Variants in PECR observed in about 807,000 individuals in gnomAD.
The protein encoded by PECR is 2,4-dienoyl-CoA reductase-related protein.
Under a neutral mutation model 35.3 loss-of-function variants are expected in PECR, and 30 were observed. The observed-to-expected ratio is 0.85, with a 90% CI of 0.64 to 1.15. The LOEUF (loss-of-function observed/expected upper bound fraction) is 1.15. PECR is among the 50% of genes most tolerant of loss of function. PECR has a pLI of 0.00. For missense variants in PECR, 392 were observed against 370.8 expected (o/e 1.06, Z -0.47); for synonymous variants, 148 against 138.9 (o/e 1.07, Z -0.46).
At chr2:216,040,858 T>G (rs1014276882) in intron 7 of PECR, among the ~76,000 whole-genome samples, 1 of 151,690 alleles carries the variant, frequency 6.6e-6, no homozygotes, top group Non-Finnish European at 1.5e-5. Flanking sequence ...GCAACAAGAG[T>G]GAGACTCTGT....
chr2:216,068,225 CAAAAAAA>C (rs34646067), intron 1 of PECR, among the ~76,000 whole-genome samples: 3 of 65,016 alleles, frequency 4.6e-5, no homozygotes, highest in South Asian at 6.8e-4. Context: ...GACTCCATAT[CAAAAAAA>C]AAAAAAAAAA....
rs370096306 is a variant in PECR, at chr2:216,081,668, C to T, written c.74G>A (p.Gly25Asp). 3 of 1,613,636 alleles carry T rather than the reference C, an allele frequency of 1.9e-6. No homozygotes were observed. Among genetic ancestry groups the T allele is most frequent in the Non-Finnish European group, 1.7e-6 (2 of 1,179,970 alleles). ...GGCTTTTCCGATGCCCGTGGCCCCG[C>T]CGGTGACGATGGCCACTTGGCCCTG... ...LLQGQVAIVTGGATGIGKAIV... is the reference protein window; with the variant it reads ...LLQGQVAIVTDGATGIGKAIV... Residue 25 changes from glycine to aspartate, a missense_variant, in exon 1 of 8, where the codon GGC (glycine) becomes GAC (aspartate). Transcript: ENST00000265322.
intron 1 of PECR, among the ~76,000 whole-genome samples, chr2:216,078,112 C>A (rs1351933362): frequency 2.0e-5 from 3 of 150,684 alleles, no homozygotes; most frequent in African/African-American, 7.3e-5. Context: ...AAAACCAAAA[C>A]CAAAAACAAA....
downstream of PECR, among the ~76,000 whole-genome samples, chr2:216,036,555 A>G (rs971656653): frequency 2.6e-5 from 4 of 152,190 alleles, no homozygotes; most frequent in African/African-American, 9.7e-5. Flanking sequence ...CACATGACCC[A>G]CTGAGCGCCT....
At chr2:216,081,353 T>C (rs1438239599) in intron 1 of PECR, among the ~76,000 whole-genome samples, 1 of 152,190 alleles carries the variant, frequency 6.6e-6, no homozygotes. Context: ...GCACAGCATG[T>C]TTCACTGCTC....
rs542305337 is a variant in PECR at position 216,080,873 on chromosome 2, C to T, written c.124+745G>A. 2.0e-4 allele frequency among the ~76,000 whole-genome samples: 30 copies of T among 152,120 alleles called. 1 individual carries two copies. The South Asian group carries it at 6.0e-3, about 30-fold the overall frequency. On this transcript the variant is annotated intron_variant, in intron 1 of 7. Transcript: ENST00000265322. ...GCTCTTTATGTATAAGGCTGTTGGC[C>T]GAATCTAGTGGCTCAGCCTGTAATC...
chr2:216,039,927 AAT>A (rs1418340107), intron 7 of PECR, among the ~76,000 whole-genome samples: 1 of 152,220 alleles, frequency 6.6e-6, no homozygotes, highest in Non-Finnish European at 1.5e-5. Flanking sequence ...AAGTTGATCG[AAT>A]ATAGAGTGGA....
intron 3 of PECR, 68 bp downstream of exon 3, chr2:216,065,244 G>A (rs1202562396): frequency 1.9e-6 from 2 of 1,038,658 alleles, no homozygotes; most frequent in East Asian, 4.7e-5. Context: ...GGGCTTCTGA[G>A]TCCCTAATAG....
intron 4 of PECR, among the ~76,000 whole-genome samples, chr2:216,054,194 G>A (rs1340936686): frequency 6.6e-6 from 1 of 151,458 alleles, no homozygotes; most frequent in Non-Finnish European, 1.5e-5. Context: ...GGCTGAGACA[G>A]GAGAATCACT....
chr2:216,037,975 C>T (rs1312234195), downstream of PECR, among the ~76,000 whole-genome samples: 1 of 151,644 alleles, frequency 6.6e-6, no homozygotes, highest in East Asian at 1.9e-4. Flanking sequence ...ATCCCAGCTA[C>T]GCAGGAGGCT....
At chr2:216,072,383 C>T (rs962345853) in intron 1 of PECR, among the ~76,000 whole-genome samples, 4 of 152,136 alleles carry the variant, frequency 2.6e-5, no homozygotes, top group Non-Finnish European at 4.4e-5. Context: ...GAAAATAAGG[C>T]ACTTTATTTT....
intron 6 of PECR, among the ~76,000 whole-genome samples, chr2:216,048,940 T>C (rs1281238318): frequency 6.6e-6 from 1 of 150,998 alleles, no homozygotes; most frequent in African/African-American, 2.4e-5. Flanking sequence ...TGGAACTTCA[T>C]ATGGCCATAG....
At chr2:216,051,281 CAAAAAAAA>C (rs147574036) in intron 5 of PECR, among the ~76,000 whole-genome samples, 160 bp downstream of exon 5, 1 of 93,168 alleles carries the variant, frequency 1.1e-5, no homozygotes, top group Non-Finnish European at 2.0e-5. Context: ...GACTCCATCT[CAAAAAAAA>C]AAAAAAAAAA....
chr2:216,031,647 A>AAAAGAAAGAAAGAAAG (rs200929112), intron 7 of PECR, among the ~76,000 whole-genome samples: 1,158 of 98,006 alleles, frequency 0.012, 12 homozygotes, highest in East Asian at 0.019. Flanking sequence ...AAGGAAGAAG[A>AAAAGAAAGAAAGAAAG]AAAGAAAGAA....
In PECR at chr2:216,066,426, G is replaced by A. The variant is rs199954820; in HGVS notation, c.217C>T (p.Arg73Ter). The A allele has an allele frequency of 4.7e-5, 76 of 1,613,188 alleles. No homozygotes were observed. Among genetic ancestry groups the A allele is most frequent in the Admixed American group, 1.0e-4 (6 of 59,992 alleles). ...ATGTTGCATTGTATGGGAATGACTC[G>A]TGCCTGCTTTGTGGGAGGTAGGTTG... ...QANLPPTKQARVIPIQCNIRN... is the reference protein window; with the variant it reads ...QANLPPTKQA The change falls in exon 2 of 8, where the codon CGA becomes TGA. Residue 73 changes from arginine (R) to a stop codon, truncating the protein, a stop_gained. Coordinates refer to ENST00000265322, the MANE Select transcript of PECR (RefSeq NM_018441.6). LOFTEE classifies it high-confidence loss of function.
intron 6 of PECR, among the ~76,000 whole-genome samples, chr2:216,048,120 G>T (rs933626355): frequency 1.3e-5 from 2 of 151,504 alleles, no homozygotes; most frequent in Non-Finnish European, 2.9e-5. Context: ...TGTCGCCCAG[G>T]CTGGAGTGCA....
At chr2:216,068,130 G>T (rs1192629428) in intron 1 of PECR, among the ~76,000 whole-genome samples, 2 of 150,206 alleles carry the variant, frequency 1.3e-5, no homozygotes, top group Non-Finnish European at 3.0e-5. Flanking sequence ...AGGAGGCTGA[G>T]GCAGGATAAT....
rs56791924 is a variant in PECR, at chr2:216,061,311, C to CAAAAA, written c.425-2340_425-2336dup. 4.2e-4 allele frequency among the ~76,000 whole-genome samples: 19 copies of CAAAAA among 44,952 alleles called. 1 individual carries two copies. The East Asian group carries it at 7.4e-3, about 17-fold the overall frequency. The allele number at this position is 44,952 out of a possible 152,430, so 29.5% of individuals were successfully genotyped here. On this transcript the variant is annotated intron_variant, in intron 3 of 7. Coordinates refer to ENST00000265322, the MANE Select transcript of PECR (RefSeq NM_018441.6). ...CAGGTGACAGAGTGAAACCCTGTCT[C>CAAAAA]AAAAAAAAAAAAAAAAAAAAAAAAA...
chr2:216,059,601 T>C (rs1208435590), intron 3 of PECR, among the ~76,000 whole-genome samples: 1 of 152,242 alleles, frequency 6.6e-6, no homozygotes, highest in Non-Finnish European at 1.5e-5. Context: ...CAAATGGTTT[T>C]CCAAAGTGTC....
Sources: allele counts gnomAD v4.1 joint callset (sites outside exome capture counted in the v4.1 genomes callset), GRCh38; gene constraint gnomAD v4.1.1; transcripts MANE v1.5; gene names NCBI Gene and HGNC (gene_info 2026-07-23, HGNC 2026-07-21).